The following OXR1 variants were observed in gnomAD, a reference collection of about 807,000 sequenced individuals.
The protein encoded by OXR1 is oxidation resistance 1.
In OXR1, 41 loss-of-function variants were observed where a neutral mutation model predicts 104.6. The observed-to-expected ratio is 0.39, with a 90% CI of 0.31 to 0.51. OXR1 has a LOEUF of 0.51. OXR1 is among the 20% of genes least tolerant of loss of function. The probability of loss-of-function intolerance (pLI) is 0.77; values close to 1 mark genes in which losing one functional copy is unlikely to be tolerated. For missense variants in OXR1, 955 were observed against 1,031.9 expected, an observed-to-expected ratio of 0.93 and a Z score of 1.02; for synonymous variants, 348 against 348.4, an observed-to-expected ratio of 1.00 and a Z score of 0.01.
chr8:106,569,186 T>G (rs1817290867), intron 3 of OXR1, among the ~76,000 whole-genome samples: 1 of 152,150 alleles, frequency 6.6e-6, no homozygotes, highest in African/African-American at 2.4e-5. Context: ...TGTCAGGCTT[T>G]CTGTGTTTTG....
intron 3 of OXR1, among the ~76,000 whole-genome samples, chr8:106,614,868 C>A (rs1236296707): frequency 6.6e-6 from 1 of 152,122 alleles, no homozygotes; most frequent in Non-Finnish European, 1.5e-5. Context: ...AGACACAATG[C>A]AAATGTAGAT....
Position 106,679,256 on chromosome 8 carries a change from G to C in OXR1, c.267G>C (p.Met89Ile), listed in dbSNP as rs149167114. The change falls in exon 4 of 17, where the codon ATG becomes ATC. Residue 89 changes from methionine to isoleucine, a missense_variant. Around this residue, in one of 2 missense-constraint regions of OXR1, gnomAD observed 849 missense variants for 852.9 expected, o/e 1.00. Transcript: ENST00000517566. ...TAGACAAGAAAGATGGAAGACGAATGTCTTTTCAGAAACCTAAAGGGACTA... is the reference window on the plus strand; with the variant it reads ...TAGACAAGAAAGATGGAAGACGAATCTCTTTTCAGAAACCTAAAGGGACTA... ...KTLDKKDGRR[M>I]SFQKPKGTIE... 3.7e-6 allele frequency: 6 copies of C among 1,610,222 alleles called. No individual in the cohort carries two copies. The highest frequency in any genetic ancestry group is 5.1e-6 in the Non-Finnish European group (6 of 1,177,298).
chr8:106,417,727 A>G (rs76043371), intron 2 of OXR1, among the ~76,000 whole-genome samples: 1,659 of 152,290 alleles, frequency 0.011, 31 homozygotes, highest in African/African-American at 0.038. Flanking sequence ...TGTTACTACT[A>G]TAGTGCTTTT....
intron 16 of OXR1, among the ~76,000 whole-genome samples, chr8:106,746,102 A>G (rs1183744816): frequency 6.6e-6 from 1 of 152,156 alleles, no homozygotes; most frequent in Non-Finnish European, 1.5e-5. Context: ...GTTTATTAAG[A>G]CCCATCTTTT....
chr8:106,550,028 C>T (rs956309114), intron 3 of OXR1, among the ~76,000 whole-genome samples: 2 of 152,152 alleles, frequency 1.3e-5, no homozygotes, highest in Non-Finnish European at 2.9e-5. Flanking sequence ...TAATTTAATC[C>T]TTATAGCAAT....
intron 1 of OXR1, among the ~76,000 whole-genome samples, chr8:106,331,416 A>G (rs1380516453): frequency 6.6e-6 from 1 of 152,210 alleles, no homozygotes; most frequent in African/African-American, 2.4e-5. Context: ...TTACAAAAAT[A>G]CAAGTTAATT....
At chr8:106,709,811 TAATA>T (rs962807765) in intron 9 of OXR1, among the ~76,000 whole-genome samples, 14 of 152,138 alleles carry the variant, frequency 9.2e-5, no homozygotes, top group African/African-American at 3.1e-4. Flanking sequence ...TAAAATTATG[TAATA>T]AATATAAAAG....
intron 2 of OXR1, among the ~76,000 whole-genome samples, chr8:106,412,621 G>A (rs1818503209): frequency 6.6e-6 from 1 of 151,976 alleles, no homozygotes; most frequent in African/African-American, 2.4e-5. Flanking sequence ...AGGGAGTCAG[G>A]ATTTTAGACC....
At chr8:106,467,294 G>A (rs1298544214) in intron 2 of OXR1, among the ~76,000 whole-genome samples, 1 of 151,702 alleles carries the variant, frequency 6.6e-6, no homozygotes, top group African/African-American at 2.4e-5. Flanking sequence ...ATATTTTCAG[G>A]GCTAGTCTTG....
intron 3 of OXR1, among the ~76,000 whole-genome samples, chr8:106,568,998 A>T (rs1170159311): frequency 6.6e-6 from 1 of 152,130 alleles, no homozygotes; most frequent in Non-Finnish European, 1.5e-5. Flanking sequence ...TTGCTTTGAT[A>T]TCTGTTTTTC....
intron 1 of OXR1, among the ~76,000 whole-genome samples, chr8:106,291,701 A>C (rs564682368): frequency 7.2e-5 from 11 of 152,310 alleles, no homozygotes; most frequent in Admixed American, 5.2e-4. Flanking sequence ...AAGAAATACC[A>C]GAGACTCGGT....
intron 3 of OXR1, among the ~76,000 whole-genome samples, chr8:106,524,822 T>G (rs1394379571): frequency 6.6e-6 from 1 of 152,120 alleles, no homozygotes; most frequent in Non-Finnish European, 1.5e-5. Flanking sequence ...CAAGGGATAT[T>G]CAGAGTACCC....
chr8:106,698,075 C>G, intron 7 of OXR1: 3 of 1,103,878 alleles, frequency 2.7e-6, no homozygotes, highest in Non-Finnish European at 4.1e-6. Flanking sequence ...CACACTCACT[C>G]AAGGCAATGG....
At chr8:106,273,951 T>G (rs1811921317) in intron 1 of OXR1, among the ~76,000 whole-genome samples, 1 of 152,226 alleles carries the variant, frequency 6.6e-6, no homozygotes, top group Non-Finnish European at 1.5e-5. Context: ...TAATTGCTTT[T>G]TAAAAGCGAT....
chr8:106,701,169 A>G (rs57400955), intron 7 of OXR1, among the ~76,000 whole-genome samples: 1,940 of 152,270 alleles, frequency 0.013, 24 homozygotes, highest in Admixed American at 0.044. Context: ...TAGTTTATAT[A>G]AAGTTACTCC....
intron 3 of OXR1, among the ~76,000 whole-genome samples, chr8:106,620,696 A>C (rs1172774636): frequency 6.6e-6 from 1 of 152,224 alleles, no homozygotes; most frequent in Non-Finnish European, 1.5e-5. Context: ...GTTTCTGCTC[A>C]TTAAAAGCTA....
chr8:106,521,722 C>T (rs1198726058), intron 3 of OXR1, among the ~76,000 whole-genome samples: 1 of 152,156 alleles, frequency 6.6e-6, no homozygotes, highest in Non-Finnish European at 1.5e-5. Flanking sequence ...CTGCGTTAGC[C>T]AGGATGGTCT....
At chr8:106,462,129 A>C (rs1342222454) in intron 2 of OXR1, among the ~76,000 whole-genome samples, 2 of 152,136 alleles carry the variant, frequency 1.3e-5, no homozygotes, top group African/African-American at 4.8e-5. Flanking sequence ...TATGTCTTAC[A>C]TTAAAGAAAT....
chr8:106,413,963 A>G (rs190136098), intron 2 of OXR1, among the ~76,000 whole-genome samples: 2 of 152,182 alleles, frequency 1.3e-5, no homozygotes, highest in Non-Finnish European at 2.9e-5. Context: ...CCAGAACTCA[A>G]GTGATCCACC....
Sources: gnomAD v4.1 joint callset for allele counts (sites outside exome capture counted in the v4.1 genomes callset) on GRCh38, gnomAD v4.1.1 for gene constraint, gnomAD v4.1.1 regional missense constraint, MANE v1.5 for transcripts, NCBI Gene and HGNC (gene_info 2026-07-23, HGNC 2026-07-21) for gene names.